Variants in FOXK1 observed in about 807,000 individuals in gnomAD.
The protein encoded by FOXK1 is forkhead box protein K1.
FOXK1 carries 19 observed loss-of-function variants against 51.9 expected under a neutral mutation model. The observed-to-expected ratio is 0.37, with a 90% confidence interval of 0.26 to 0.54. The LOEUF (loss-of-function observed/expected upper bound fraction) is 0.54. Among genes scored for constraint, FOXK1 ranks in the 20% least tolerant of loss-of-function variants. The probability of loss-of-function intolerance (pLI) is 0.87; values close to 1 mark genes in which losing one functional copy is unlikely to be tolerated. For synonymous variants in FOXK1, 537 were observed against 482.6 expected, an observed-to-expected ratio of 1.11 and a Z score of -1.48; for missense variants, 870 against 1,032.7, an observed-to-expected ratio of 0.84 and a Z score of 2.16.
chr7:4,705,993 C>CGT lies in FOXK1; in HGVS notation c.560+23126_560+23127dup, dbSNP rs1491141888. On this transcript the variant is annotated intron_variant, in intron 1 of 8. Coordinates refer to ENST00000328914, the MANE Select transcript of FOXK1 (RefSeq NM_001037165.2). ...ATATACGTATATATACGTATATATA[C>CGT]GTATATATACGTATATATACGTATA... Among the ~76,000 whole-genome samples the CGT allele has an allele frequency of 1.6e-4, 17 of 103,226 alleles. 2 individuals carry two copies. Among genetic ancestry groups the CGT allele is most frequent in the African/African-American group, 6.1e-4 (13 of 21,324 alleles). 67.7% of individuals were successfully genotyped at this position (103,226 alleles called of 152,430 possible). A position where few individuals can be genotyped will look rare whatever the true frequency, so the allele number is the denominator to read the frequency against.
Position 4,759,048 on chromosome 7 carries a change from C to A in FOXK1, c.1245-3C>A. ...ACTGCCGCGGCCCTTGCCTGTCTTC[C>A]AGGAGCGCTCCAGCTTCGCCCACAC... On this transcript the variant is annotated splice_polypyrimidine_tract_variant and splice_region_variant and intron_variant, in intron 5 of 8. Coordinates refer to ENST00000328914, the MANE Select transcript of FOXK1 (RefSeq NM_001037165.2). 1 of 1,587,772 alleles carries A rather than the reference C, an allele frequency of 6.3e-7. No individual in the cohort carries two copies. Among genetic ancestry groups the A allele is most frequent in the South Asian group, 1.1e-5 (1 of 87,822 alleles).
Position 4,749,420 on chromosome 7 carries a change from A to G in FOXK1, c.747-5039A>G, listed in dbSNP as rs2115066760. Among the ~76,000 whole-genome samples, 1 of 152,298 alleles carries G rather than the reference A, an allele frequency of 6.6e-6. No individual in the cohort carries two copies. The highest frequency in any genetic ancestry group is 2.1e-4 in the South Asian group (1 of 4,830). On this transcript the variant is annotated intron_variant, in intron 2 of 8. Transcript: ENST00000328914. This position sits in a 1 kb window ranked among gnomAD's most constrained non-coding sequence, Gnocchi z 6.0. The stretch of plus-strand genomic sequence containing the variant: ...CTCTTAGAGCGGCTGGTATTGGAGC[A>G]GGGGCTGGGGCAGGGACCCCAAGCG...
rs377711632 is a variant in FOXK1, at chr7:4,722,559, C to A, written c.561-18279C>A. Among the ~76,000 whole-genome samples the A allele has an allele frequency of 6.6e-6, 1 of 152,208 alleles. No homozygotes were observed. The highest frequency in any genetic ancestry group is 1.5e-5 in the Non-Finnish European group (1 of 68,048). On this transcript the variant is annotated intron_variant, in intron 1 of 8. Transcript: ENST00000328914. This position sits in a 1 kb window ranked among gnomAD's most constrained non-coding sequence, Gnocchi z 5.1. ...TACACTCGTGCCTGTTAACCGCACACCTGCGTGCAGCACGGGCACACTCGT... is the reference window on the plus strand; with the variant it reads ...TACACTCGTGCCTGTTAACCGCACAACTGCGTGCAGCACGGGCACACTCGT...
rs537193213 is a variant in FOXK1 at position 4,747,396 on chromosome 7, A to G, written c.746+6373A>G. ...CAGCTCTGTGAGGTCTATGCCTAAC[A>G]TGAGAGCAGCTCCTGTTGAAGCCAC... On this transcript the variant is annotated intron_variant, in intron 2 of 8. Transcript: ENST00000328914. This position sits in a 1 kb window ranked among gnomAD's most constrained non-coding sequence, Gnocchi z 9.2. Among the ~76,000 whole-genome samples, 1 of 152,226 alleles carries G rather than the reference A, an allele frequency of 6.6e-6. No homozygotes were observed. The highest frequency in any genetic ancestry group is 2.4e-5 in the African/African-American group (1 of 41,468).
chr7:4,762,427 C>T lies in FOXK1; in HGVS notation c.2165C>T (p.Ala722Val). ...GTAACCACACCGGCTGGAGTGATCG[C>T]AGCTGCCGGCCCCCAGGGGCCAGGC... ...GAVTTPAGVI[A>V]AAGPQGPGTG... is the part of the protein sequence containing the mutation. Residue 722 changes from alanine to valine, a missense_variant, in exon 9 of 9, where the codon GCA becomes GTA. Transcript: ENST00000328914. The surrounding 1 kb of genome is among the most constrained non-coding windows in gnomAD (Gnocchi z 5.7). 1 of 1,547,528 alleles carries T rather than the reference C, an allele frequency of 6.5e-7. No individual in the cohort carries two copies.
intron 1 of FOXK1, among the ~76,000 whole-genome samples, chr7:4,697,118 C>T (rs1400622439): frequency 6.6e-6 from 1 of 152,160 alleles, no homozygotes; most frequent in Non-Finnish European, 1.5e-5. Context: ...TTCAGGGACC[C>T]AGGCTGGCAC....
At chr7:4,721,704 C>T (rs988781535) in intron 1 of FOXK1, among the ~76,000 whole-genome samples, 9 of 148,202 alleles carry the variant, frequency 6.1e-5, no homozygotes, top group Non-Finnish European at 1.0e-4. Context: ...AGTTCTTCTG[C>T]GTCAGCCTCC....
intron 1 of FOXK1, among the ~76,000 whole-genome samples, chr7:4,719,723 C>A (rs1184150639): frequency 6.6e-6 from 1 of 152,132 alleles, no homozygotes; most frequent in African/African-American, 2.4e-5. Flanking sequence ...CTCAGGTGAT[C>A]CACCCGCTTT....
chr7:4,720,629 C>T (rs1780296518), intron 1 of FOXK1, among the ~76,000 whole-genome samples: 1 of 152,134 alleles, frequency 6.6e-6, no homozygotes, highest in Non-Finnish European at 1.5e-5. Context: ...CCCCATCTCT[C>T]CCGAGCAGGC....
intron 1 of FOXK1, among the ~76,000 whole-genome samples, chr7:4,713,408 G>A (rs1408318833): frequency 6.6e-6 from 1 of 152,152 alleles, no homozygotes; most frequent in Non-Finnish European, 1.5e-5. Flanking sequence ...ATTAGACCAC[G>A]GTGCAGCCAC....
intron 1 of FOXK1, among the ~76,000 whole-genome samples, chr7:4,718,832 G>C (rs980777031): frequency 3.9e-5 from 6 of 152,124 alleles, no homozygotes; most frequent in African/African-American, 1.4e-4. Flanking sequence ...TGTTTGAGAC[G>C]GAGTTTCACT....
rs1326401654 is a variant in FOXK1 at position 4,748,280 on chromosome 7, T to G, written c.747-6179T>G. On this transcript the variant is annotated intron_variant, in intron 2 of 8. Transcript: ENST00000328914. The surrounding 1 kb of genome is among the most constrained non-coding windows in gnomAD (Gnocchi z 4.9). ...ATTCGTACGTGACTGTCTCTTGGTT[T>G]TTCCGTTTTAGATATTACACATGAG... Among the ~76,000 whole-genome samples the G allele has an allele frequency of 6.6e-6, 1 of 152,204 alleles. No homozygotes were observed. Among genetic ancestry groups the G allele is most frequent in the Non-Finnish European group, 1.5e-5 (1 of 68,034 alleles).
At chr7:4,725,569 C>T (rs1780370049) in intron 1 of FOXK1, among the ~76,000 whole-genome samples, 1 of 152,272 alleles carries the variant, frequency 6.6e-6, no homozygotes, top group South Asian at 2.1e-4. Flanking sequence ...GGCCGGGCCC[C>T]TCCGGCCAGT....
intron 1 of FOXK1, among the ~76,000 whole-genome samples, chr7:4,724,478 G>A (rs1428746206): frequency 6.6e-6 from 1 of 152,256 alleles, no homozygotes; most frequent in East Asian, 1.9e-4. Flanking sequence ...TTACAGGCGT[G>A]AGCCACTGTG....
Position 4,761,755 on chromosome 7 carries a change from C to G in FOXK1, c.1922-429C>G, listed in dbSNP as rs1261967489. ...TGGAAGGAAAACCCAGATCTGCCCA[C>G]TCTCTGGAGCTCACACTCCATGGGG... is the stretch of plus-strand genomic sequence containing the variant. On this transcript the variant is annotated intron_variant, in intron 8 of 8. Coordinates refer to ENST00000328914, the MANE Select transcript of FOXK1 (RefSeq NM_001037165.2). The surrounding 1 kb of genome is among the most constrained non-coding windows in gnomAD (Gnocchi z 6.2). Among the ~76,000 whole-genome samples, 1 of 152,102 alleles carries G rather than the reference C, an allele frequency of 6.6e-6. No homozygotes were observed. Among genetic ancestry groups the G allele is most frequent in the Non-Finnish European group, 1.5e-5 (1 of 68,026 alleles).
rs1019007990 is a variant in FOXK1 at position 4,748,685 on chromosome 7, C to T, written c.747-5774C>T. ...CCAGAGTCCATCCCCCAGTCGCTTC[C>T]TGGGAAAGGGCACAGGAGACAGACT... is the stretch of plus-strand genomic sequence containing the variant. On this transcript the variant is annotated intron_variant, in intron 2 of 8. Coordinates refer to ENST00000328914, the MANE Select transcript of FOXK1 (RefSeq NM_001037165.2). This position sits in a 1 kb window ranked among gnomAD's most constrained non-coding sequence, Gnocchi z 4.9. Among the ~76,000 whole-genome samples the T allele has an allele frequency of 8.5e-5, 13 of 152,176 alleles. No individual in the cohort carries two copies. The highest frequency in any genetic ancestry group is 1.8e-4 in the Non-Finnish European group (12 of 68,028).
rs1364338695 is a variant in FOXK1, at chr7:4,682,517, C to T, written c.209C>T (p.Ser70Phe). ...LPPGAIAGAG[S>F]SGGSSGVSGD... Reference sequence around the variant, plus strand: ...CCGGGCGCGATCGCGGGCGCGGGCTCCTCCGGGGGCTCCTCCGGGGTATCC... The same window carrying T: ...CCGGGCGCGATCGCGGGCGCGGGCTTCTCCGGGGGCTCCTCCGGGGTATCC... Residue 70 changes from serine to phenylalanine, a missense_variant, in exon 1 of 9, where the codon TCC becomes TTC. Physicochemically the swap from Ser to Phe is radical, Grantham distance 155 (BLOSUM62 -2). Transcript: ENST00000328914. The surrounding 1 kb of genome is among the most constrained non-coding windows in gnomAD (Gnocchi z 7.6). 2 of 1,085,578 alleles carry T rather than the reference C, an allele frequency of 1.8e-6. No homozygotes were observed. The highest frequency in any genetic ancestry group is 1.1e-6 in the Non-Finnish European group (1 of 896,762). The allele number at this position is 1,085,578 out of a possible 1,614,324, so 67.2% of individuals were successfully genotyped here. A position where few individuals can be genotyped will look rare whatever the true frequency, so the allele number is the denominator to read the frequency against.
Position 4,730,252 on chromosome 7 carries a change from C to A in FOXK1, c.561-10586C>A, listed in dbSNP as rs1307778426. 2.0e-5 allele frequency among the ~76,000 whole-genome samples: 3 copies of A among 152,210 alleles called. No individual in the cohort carries two copies. The highest frequency in any genetic ancestry group is 4.4e-5 in the Non-Finnish European group (3 of 68,040). ...CGGGTTTTAATTCACACACACCACG[C>A]ACACCCCCACATTGTTGTCACTGCG... On this transcript the variant is annotated intron_variant, in intron 1 of 8. Coordinates refer to ENST00000328914, the MANE Select transcript of FOXK1 (RefSeq NM_001037165.2). This position sits in a 1 kb window ranked among gnomAD's most constrained non-coding sequence, Gnocchi z 4.7.
At chr7:4,712,375 C>G (rs138020094) in intron 1 of FOXK1, among the ~76,000 whole-genome samples, 1 of 152,160 alleles carries the variant, frequency 6.6e-6, no homozygotes, top group East Asian at 1.9e-4. Flanking sequence ...AGAACCCCAA[C>G]TGAGGATTGA....
Sources: allele counts gnomAD v4.1 joint callset (sites outside exome capture counted in the v4.1 genomes callset), GRCh38; gene constraint gnomAD v4.1.1; non-coding constraint Gnocchi (gnomAD v3.1); transcripts MANE v1.5; gene names NCBI Gene and HGNC (gene_info 2026-07-23, HGNC 2026-07-21).